CTNNA3: variants seen among roughly 807,000 people sequenced by gnomAD.
CTNNA3 encodes catenin alpha 3, also known as catenin alpha-3.
A neutral mutation model predicts 95.7 loss-of-function variants in CTNNA3; 76 were observed. The ratio of observed to expected loss-of-function variants is 0.79; its 90% CI spans 0.66 to 0.96. The LOEUF is 0.96. Ranked by LOEUF, CTNNA3 falls within the 40% of genes least tolerant of loss-of-function variation. The probability of loss-of-function intolerance (pLI) is 0.00; values close to 1 mark genes in which losing one functional copy is unlikely to be tolerated. For synonymous variants in CTNNA3, 431 were observed against 374.4 expected (o/e 1.15, Z -1.74); for missense variants, 1,191 against 1,089.8 (o/e 1.09, Z -1.31).
intron 11 of CTNNA3, among the ~76,000 whole-genome samples, chr10:66,509,473 C>CT (rs1322150985): frequency 1.3e-5 from 2 of 151,748 alleles, no homozygotes; most frequent in East Asian, 3.9e-4. Flanking sequence ...TTTCCTTTAT[C>CT]TTTTTTTACT....
At chr10:67,244,393 GA>G (rs2132339732) in intron 5 of CTNNA3, among the ~76,000 whole-genome samples, 1 of 152,316 alleles carries the variant, frequency 6.6e-6, no homozygotes, top group Non-Finnish European at 1.5e-5. Context: ...ATGCTTTTCA[GA>G]AAGTTAAATT....
At chr10:66,906,896 G>A (rs886942375) in intron 7 of CTNNA3, among the ~76,000 whole-genome samples, 1 of 152,054 alleles carries the variant, frequency 6.6e-6, no homozygotes, top group Admixed American at 6.6e-5. Context: ...GCTAGTAACT[G>A]CTGACACTGA....
chr10:67,518,626 TTTATAATGTTA>T (rs1452068269), intron 5 of CTNNA3, among the ~76,000 whole-genome samples: 2 of 152,164 alleles, frequency 1.3e-5, no homozygotes, highest in Non-Finnish European at 2.9e-5. Context: ...ATGGATGTGT[TTTATAATGTTA>T]TTATAAGTTT....
At chr10:66,378,361 C>A (rs1225332916) in intron 12 of CTNNA3, among the ~76,000 whole-genome samples, 2 of 151,890 alleles carry the variant, frequency 1.3e-5, no homozygotes. Context: ...ACAGATGCAC[C>A]ATCACCCTAG....
Position 66,122,288 on chromosome 10 carries a change from C to A in CTNNA3, c.1885-19039G>T, listed in dbSNP as rs1030253032. On this transcript the variant is annotated intron_variant, in intron 13 of 17. Coordinates refer to ENST00000433211, the MANE Select transcript of CTNNA3 (RefSeq NM_013266.4). ...TGAGCTTGAAATTTGTCATTACCTA[C>A]TTCCCAAATTGAAATGTGAAGAGAA... Among the ~76,000 whole-genome samples the A allele has an allele frequency of 3.9e-5, 6 of 152,050 alleles. No homozygotes were observed. The South Asian group carries it at 1.2e-3, about 32-fold the overall frequency.
intron 7 of CTNNA3, among the ~76,000 whole-genome samples, chr10:66,893,022 G>A (rs905921371): frequency 6.6e-6 from 1 of 152,066 alleles, no homozygotes; most frequent in Non-Finnish European, 1.5e-5. Context: ...CAACTGTCAT[G>A]TTTAGTTGTC....
At position 65,939,197 on chromosome 10, in the gene CTNNA3, G is replaced by A. The variant is rs552464839; in HGVS notation, c.2401-18580C>T. Among the ~76,000 whole-genome samples the A allele has an allele frequency of 6.6e-5, 10 of 152,206 alleles. No individual in the cohort carries two copies. The South Asian group carries it at 2.1e-3, about 32-fold the overall frequency. On this transcript the variant is annotated intron_variant, in intron 17 of 17. Coordinates refer to ENST00000433211, the MANE Select transcript of CTNNA3 (RefSeq NM_013266.4). ...TGGGATTACAGGCGTAAGCCACCGC[G>A]CCCTGCCTAGAAAGAGCTTTTCAGC...
intron 11 of CTNNA3, among the ~76,000 whole-genome samples, chr10:66,512,086 T>C (rs1484526735): frequency 6.6e-6 from 1 of 152,004 alleles, no homozygotes; most frequent in African/African-American, 2.4e-5. Flanking sequence ...ACAATTGTTC[T>C]TTCCTCTTGC....
chr10:66,935,857 T>C (rs1449139515), intron 7 of CTNNA3, among the ~76,000 whole-genome samples: 1 of 149,910 alleles, frequency 6.7e-6, no homozygotes, highest in Non-Finnish European at 1.5e-5. Flanking sequence ...ATTAATCCTA[T>C]ACATTTTCAC....
chr10:66,591,955 T>G (rs1334172179), intron 10 of CTNNA3, among the ~76,000 whole-genome samples: 1 of 152,096 alleles, frequency 6.6e-6, no homozygotes, highest in Non-Finnish European at 1.5e-5. Context: ...TTTAGCAAGT[T>G]TTATTTGACC....
chr10:67,004,901 A>G (rs948920642), intron 7 of CTNNA3, among the ~76,000 whole-genome samples: 1 of 152,174 alleles, frequency 6.6e-6, no homozygotes, highest in Non-Finnish European at 1.5e-5. Flanking sequence ...ACTCTAGTAG[A>G]ACGCAGTATT....
chr10:67,749,880 G>T (rs968203017), intron 1 of CTNNA3, among the ~76,000 whole-genome samples: 1 of 152,116 alleles, frequency 6.6e-6, no homozygotes, highest in Non-Finnish European at 1.5e-5. Flanking sequence ...CCAGGAGCTG[G>T]TTTTTTGAAA....
chr10:66,973,957 T>C (rs1304561872), intron 7 of CTNNA3, among the ~76,000 whole-genome samples: 1 of 152,140 alleles, frequency 6.6e-6, no homozygotes, highest in Non-Finnish European at 1.5e-5. Flanking sequence ...GAAATATAAT[T>C]TTCATAAAAC....
At chr10:66,024,808 A>G (rs1030307392) in intron 15 of CTNNA3, among the ~76,000 whole-genome samples, 1 of 152,224 alleles carries the variant, frequency 6.6e-6, no homozygotes, top group African/African-American at 2.4e-5. Flanking sequence ...AAATAAAAGT[A>G]TTGCAAGTCA....
chr10:66,283,550 CT>C (rs1272877639), intron 12 of CTNNA3, among the ~76,000 whole-genome samples: 1 of 151,782 alleles, frequency 6.6e-6, no homozygotes, highest in Non-Finnish European at 1.5e-5. Context: ...ACAACACAGC[CT>C]TTTCATTAGT....
At chr10:66,244,164 C>T (rs978866657) in intron 13 of CTNNA3, among the ~76,000 whole-genome samples, 1 of 152,106 alleles carries the variant, frequency 6.6e-6, no homozygotes, top group African/African-American at 2.4e-5. Flanking sequence ...GGCTCCTCTG[C>T]CTATGGAAAG....
intron 5 of CTNNA3, among the ~76,000 whole-genome samples, chr10:67,443,740 G>T (rs1285142615): frequency 1.3e-5 from 2 of 151,498 alleles, no homozygotes; most frequent in African/African-American, 4.8e-5. Context: ...CTCCCATTTT[G>T]TAGGTTGCCT....
chr10:66,310,729 C>T (rs549149172), intron 12 of CTNNA3, among the ~76,000 whole-genome samples: 2 of 150,524 alleles, frequency 1.3e-5, no homozygotes, highest in South Asian at 4.2e-4. Flanking sequence ...CTCTGTCTCC[C>T]AGGCTGGAGT....
intron 1 of CTNNA3, among the ~76,000 whole-genome samples, chr10:67,745,157 G>T (rs1218952490): frequency 6.6e-6 from 1 of 152,068 alleles, no homozygotes; most frequent in Non-Finnish European, 1.5e-5. Context: ...TCCCATTACT[G>T]GGTATATACC....
Sources: allele counts gnomAD v4.1 joint callset (sites outside exome capture counted in the v4.1 genomes callset), GRCh38; gene constraint gnomAD v4.1.1; transcripts MANE v1.5; gene names NCBI Gene and HGNC (gene_info 2026-07-23, HGNC 2026-07-21).